The following ARB2A variants were observed in gnomAD, a reference collection of about 807,000 sequenced individuals.
ARB2A encodes the protein ARB2 cotranscriptional regulator A.
chr5:93,907,861 C>T, the ARB2A span, among the ~76,000 whole-genome samples: 940 of 151,332 alleles, frequency 6.2e-3, 7 homozygotes, highest in Non-Finnish European at 0.011. Context: ...AAATTTGCTT[C>T]TGTTTTAATA....
At chr5:94,033,802 T>G in the ARB2A span, among the ~76,000 whole-genome samples, 1 of 152,194 alleles carries the variant, frequency 6.6e-6, no homozygotes, top group Non-Finnish European at 1.5e-5. Context: ...TTGGATGTAA[T>G]TTGTCCCTGA....
At chr5:94,079,636 C>A in the ARB2A span, among the ~76,000 whole-genome samples, 1 of 152,120 alleles carries the variant, frequency 6.6e-6, no homozygotes, top group Admixed American at 6.5e-5. Context: ...GTACTAATTT[C>A]TGTTATTAGG....
At chr5:94,035,805 A>G in the ARB2A span, among the ~76,000 whole-genome samples, 15 of 152,264 alleles carry the variant, frequency 9.9e-5, no homozygotes, top group Non-Finnish European at 1.9e-4. Flanking sequence ...GAGTTGAACA[A>G]TGAGAACGTA....
chr5:94,104,575 A>T, the ARB2A span, among the ~76,000 whole-genome samples: 1 of 151,972 alleles, frequency 6.6e-6, no homozygotes, highest in Non-Finnish European at 1.5e-5. Flanking sequence ...TCCACCCAAC[A>T]TATAAAGAAG....
chr5:94,068,884 A>T, the ARB2A span, among the ~76,000 whole-genome samples: 28 of 150,956 alleles, frequency 1.9e-4, no homozygotes, highest in African/African-American at 6.5e-4. Context: ...AAAAAAAAAA[A>T]AGGAGCCAGG....
the ARB2A span, among the ~76,000 whole-genome samples, chr5:94,101,732 G>A: frequency 2.0e-5 from 3 of 152,132 alleles, no homozygotes; most frequent in South Asian, 2.1e-4. Flanking sequence ...GTAAGTGGGA[G>A]CCAAATGATG....
chr5:94,031,653 T>G, the ARB2A span, among the ~76,000 whole-genome samples: 1 of 152,072 alleles, frequency 6.6e-6, no homozygotes, highest in Non-Finnish European at 1.5e-5. Flanking sequence ...CTAAAAGAAT[T>G]AATATGGATA....
the ARB2A span, among the ~76,000 whole-genome samples, chr5:93,845,649 A>G: frequency 1.3e-5 from 2 of 152,212 alleles, no homozygotes; most frequent in Admixed American, 1.3e-4. Flanking sequence ...GCCCACAAAC[A>G]TGAATGTATC....
the ARB2A span, among the ~76,000 whole-genome samples, chr5:93,975,898 C>T: frequency 6.6e-6 from 1 of 151,952 alleles, no homozygotes; most frequent in Non-Finnish European, 1.5e-5. Context: ...TACAAAAAGT[C>T]AAGGAGGAGG....
chr5:93,842,794 C>T, the ARB2A span, among the ~76,000 whole-genome samples: 1 of 152,166 alleles, frequency 6.6e-6, no homozygotes, highest in African/African-American at 2.4e-5. Flanking sequence ...TCCCATCTTC[C>T]ATTCCACGTG....
the ARB2A span, among the ~76,000 whole-genome samples, chr5:94,064,441 A>G: frequency 1.3e-5 from 2 of 152,228 alleles, no homozygotes; most frequent in African/African-American, 2.4e-5. Context: ...TAAATAGCTA[A>G]AAAACTTTCA....
At chr5:93,895,956 G>GA in the ARB2A span, among the ~76,000 whole-genome samples, 5 of 151,526 alleles carry the variant, frequency 3.3e-5, no homozygotes, top group African/African-American at 9.7e-5. Flanking sequence ...ATATCAAGTA[G>GA]AAAAAACACT....
chr5:93,683,188 A>C, the ARB2A span: 1 of 1,310,254 alleles, frequency 7.6e-7, no homozygotes. Flanking sequence ...AATCATCATC[A>C]TCATCATCTT....
the ARB2A span, among the ~76,000 whole-genome samples, chr5:93,912,692 A>C: frequency 1.3e-5 from 2 of 151,880 alleles, no homozygotes; most frequent in African/African-American, 4.8e-5. Context: ...TTATTGCCCA[A>C]ATACCATACT....
chr5:93,774,860 G>A, the ARB2A span, among the ~76,000 whole-genome samples: 2 of 152,168 alleles, frequency 1.3e-5, no homozygotes, highest in Non-Finnish European at 2.9e-5. Context: ...TTGATTGGCT[G>A]ACAAAAATGT....
chr5:93,880,546 G>A, the ARB2A span, among the ~76,000 whole-genome samples: 30 of 151,640 alleles, frequency 2.0e-4, no homozygotes, highest in Non-Finnish European at 3.5e-4. Context: ...GTGTTTAAAT[G>A]TTCTGAATTG....
chr5:94,092,006 G>C, the ARB2A span, among the ~76,000 whole-genome samples: 1 of 152,038 alleles, frequency 6.6e-6, no homozygotes, highest in Non-Finnish European at 1.5e-5. Context: ...GTTGAACTAT[G>C]ACTTTCTTAT....
chr5:94,075,394 A>G, the ARB2A span, among the ~76,000 whole-genome samples: 1 of 152,088 alleles, frequency 6.6e-6, no homozygotes, highest in African/African-American at 2.4e-5. Flanking sequence ...TAAAATCAGG[A>G]TTTATTAAAA....
the ARB2A span, among the ~76,000 whole-genome samples, chr5:93,946,464 T>C: frequency 6.6e-6 from 1 of 152,150 alleles, no homozygotes; most frequent in Non-Finnish European, 1.5e-5. Flanking sequence ...ATTAATTCCA[T>C]GAAAACAAAG....
Sources: allele counts gnomAD v4.1 joint callset (sites outside exome capture counted in the v4.1 genomes callset), GRCh38; gene constraint gnomAD v4.1.1; transcripts MANE v1.5; gene names NCBI Gene and HGNC (gene_info 2026-07-23, HGNC 2026-07-21).